RBFOX1: variants seen among roughly 807,000 people sequenced by gnomAD.
RBFOX1 encodes the protein RNA binding protein fox-1 homolog 1.
A neutral mutation model predicts 57.7 loss-of-function variants in RBFOX1; 8 were observed. The ratio of observed to expected loss-of-function variants is 0.14; its 90% CI spans 0.08 to 0.25. RBFOX1 has a LOEUF of 0.25. Ranked by LOEUF, RBFOX1 falls within the 10% of genes least tolerant of loss-of-function variation. The pLI is 1.00. For missense variants in RBFOX1, 611 were observed against 548.5 expected (o/e 1.11, Z -1.14); for synonymous variants, 326 against 222.4 (o/e 1.47, Z -4.15).
intron 7 of RBFOX1, among the ~76,000 whole-genome samples, chr16:7,593,628 A>G (rs1156421205): frequency 6.6e-6 from 1 of 152,116 alleles, no homozygotes; most frequent in Non-Finnish European, 1.5e-5. Context: ...ACCCTTGAAC[A>G]ACACAGGTTT....
chr16:5,438,015 A>C (rs1432920751), intron 1 of RBFOX1, among the ~76,000 whole-genome samples: 1 of 152,218 alleles, frequency 6.6e-6, no homozygotes, highest in Non-Finnish European at 1.5e-5. Context: ...CCTTTGAGTA[A>C]AAGGGTTCAG....
chr16:7,318,241 G>C (rs1174689831), intron 4 of RBFOX1, among the ~76,000 whole-genome samples: 3 of 151,934 alleles, frequency 2.0e-5, no homozygotes, highest in African/African-American at 7.2e-5. Flanking sequence ...ATGGAGTTGG[G>C]ATAGTGGTGA....
chr16:6,783,181 A>T (rs1325144378), intron 3 of RBFOX1, among the ~76,000 whole-genome samples: 1 of 150,948 alleles, frequency 6.6e-6, no homozygotes, highest in Non-Finnish European at 1.5e-5. Flanking sequence ...TTAAAAAAAA[A>T]TTTATTCAGC....
At chr16:6,682,898 G>C (rs527759140) in intron 3 of RBFOX1, among the ~76,000 whole-genome samples, 1 of 148,096 alleles carries the variant, frequency 6.8e-6, no homozygotes, top group South Asian at 2.2e-4. Context: ...GAAATGGAAG[G>C]ATAAGAAAAA....
At chr16:7,165,104 C>A (rs1601594574) in intron 4 of RBFOX1, among the ~76,000 whole-genome samples, 3 of 152,170 alleles carry the variant, frequency 2.0e-5, no homozygotes, top group Non-Finnish European at 4.4e-5. Context: ...AGGATGCAAT[C>A]CTGTCAGTAG....
At chr16:5,985,926 C>G (rs146435201) in intron 4 of RBFOX1, among the ~76,000 whole-genome samples, 3 of 152,274 alleles carry the variant, frequency 2.0e-5, no homozygotes, top group East Asian at 1.9e-4. Context: ...TACTTTTCAT[C>G]TTTTCATATG....
intron 4 of RBFOX1, among the ~76,000 whole-genome samples, chr16:7,303,057 C>T (rs1420126579): frequency 6.6e-6 from 1 of 152,286 alleles, no homozygotes; most frequent in Middle Eastern, 3.4e-3. Context: ...TTGAGAGGAG[C>T]GGGTGTTCTG....
chr16:7,182,803 A>C (rs1282919921), intron 4 of RBFOX1, among the ~76,000 whole-genome samples: 3 of 152,110 alleles, frequency 2.0e-5, no homozygotes, highest in African/African-American at 7.2e-5. Context: ...AATCCCTTAG[A>C]AATGCCTTCC....
At chr16:7,035,785 G>C (rs1312213070) in intron 3 of RBFOX1, among the ~76,000 whole-genome samples, 3 of 151,950 alleles carry the variant, frequency 2.0e-5, no homozygotes, top group South Asian at 2.1e-4. Flanking sequence ...CTTCCAGTTA[G>C]GATTCCTTAA....
At chr16:7,442,191 A>G (rs1321020741) in intron 4 of RBFOX1, among the ~76,000 whole-genome samples, 1 of 152,134 alleles carries the variant, frequency 6.6e-6, no homozygotes, top group East Asian at 1.9e-4. Context: ...TCGTTCTGCC[A>G]GAGCTCCGGC....
chr16:5,731,598 T>C (rs900294825), intron 3 of RBFOX1, among the ~76,000 whole-genome samples: 1 of 152,188 alleles, frequency 6.6e-6, no homozygotes, highest in African/African-American at 2.4e-5. Flanking sequence ...AGCTCAAGAA[T>C]GTGGGCATGA....
chr16:5,443,415 G>T (rs985346387), intron 1 of RBFOX1, among the ~76,000 whole-genome samples: 1 of 152,170 alleles, frequency 6.6e-6, no homozygotes, highest in Non-Finnish European at 1.5e-5. Context: ...TTGGCTCACT[G>T]CAACCTCCAC....
intron 2 of RBFOX1, among the ~76,000 whole-genome samples, chr16:6,491,720 C>T (rs975674927): frequency 6.6e-6 from 1 of 152,108 alleles, no homozygotes. Context: ...TGAGGGAAGG[C>T]TGAAACTTGG....
intron 4 of RBFOX1, among the ~76,000 whole-genome samples, chr16:7,479,320 G>C (rs1382511152): frequency 6.6e-6 from 1 of 151,870 alleles, no homozygotes; most frequent in African/African-American, 2.4e-5. Flanking sequence ...TGTAGAGATG[G>C]GGGTCTCACT....
intron 3 of RBFOX1, among the ~76,000 whole-genome samples, chr16:6,803,693 C>A (rs148988061): frequency 6.6e-6 from 1 of 152,152 alleles, no homozygotes. Context: ...GATATTTTAC[C>A]AGACAGAGAA....
chr16:6,851,738 G>C (rs560165011), intron 3 of RBFOX1, among the ~76,000 whole-genome samples: 3 of 152,136 alleles, frequency 2.0e-5, no homozygotes, highest in South Asian at 2.1e-4. Context: ...AGCATGATTT[G>C]ATAAAGACTG....
chr16:7,366,164 C>G (rs1018408246), intron 4 of RBFOX1, among the ~76,000 whole-genome samples: 1 of 152,162 alleles, frequency 6.6e-6, no homozygotes, highest in African/African-American at 2.4e-5. Flanking sequence ...GAGGCCTTTC[C>G]CAGCAAGACC....
chr16:5,581,928 G>A (rs1361752648), intron 2 of RBFOX1, among the ~76,000 whole-genome samples: 2 of 152,216 alleles, frequency 1.3e-5, no homozygotes, highest in South Asian at 2.1e-4. Flanking sequence ...ATGTAGATGA[G>A]TAAGTGTAGT....
intron 3 of RBFOX1, among the ~76,000 whole-genome samples, chr16:7,036,849 G>A (rs1415633991): frequency 6.6e-6 from 1 of 152,208 alleles, no homozygotes; most frequent in African/African-American, 2.4e-5. Flanking sequence ...GAAGGGCAGA[G>A]GAGCCCCTCA....
Sources: allele counts gnomAD v4.1 joint callset (sites outside exome capture counted in the v4.1 genomes callset), GRCh38; gene constraint gnomAD v4.1.1; transcripts MANE v1.5; gene names NCBI Gene and HGNC (gene_info 2026-07-23, HGNC 2026-07-21).